Variants in SHCBP1L observed in about 807,000 individuals in gnomAD.
SHCBP1L encodes testicular spindle-associated protein SHCBP1L.
In SHCBP1L, 67 loss-of-function variants were observed where a neutral mutation model predicts 62.5. The observed-to-expected ratio is 1.07, with a 90% CI of 0.88 to 1.31. SHCBP1L has a LOEUF of 1.31. Ranked by LOEUF, SHCBP1L falls within the 40% of genes most tolerant of loss-of-function variation. The pLI, the probability that SHCBP1L is intolerant of heterozygous loss-of-function variation, is 0.00. For missense variants in SHCBP1L, 823 were observed against 809.8 expected, an observed-to-expected ratio of 1.02 and a Z score of -0.20; for synonymous variants, 284 against 289.4, an observed-to-expected ratio of 0.98 and a Z score of 0.19.
Position 182,945,124 on chromosome 1 carries a change from C to T in SHCBP1L, c.556-4581G>A, listed in dbSNP as rs554171033. Among the ~76,000 whole-genome samples, 6 of 151,916 alleles carry T rather than the reference C, an allele frequency of 3.9e-5. No individual in the cohort carries two copies. In the South Asian group the frequency reaches 6.2e-4, roughly 16 times the overall value. Reference sequence around the variant, plus strand: ...GACTACAGGCGTGCGCCACCACATCCGGCTATTTTTTGTATTTTTAGTAGA... The same window carrying T: ...GACTACAGGCGTGCGCCACCACATCTGGCTATTTTTTGTATTTTTAGTAGA... On this transcript the variant is annotated intron_variant, in intron 2 of 9. Coordinates refer to ENST00000367547, the MANE Select transcript of SHCBP1L (RefSeq NM_030933.4).
chr1:182,939,811 G>A (rs1278179815), intron 3 of SHCBP1L, among the ~76,000 whole-genome samples: 1 of 152,044 alleles, frequency 6.6e-6, no homozygotes, highest in Non-Finnish European at 1.5e-5. Context: ...GCTATTATTT[G>A]CTCAAAAAAT....
Position 182,939,345 on chromosome 1 carries a change from A to G in SHCBP1L, c.907T>C (p.Phe303Leu). ...GTIPGPIAQR[F>L]KKTLEKYKNK... ...TTATATTTCTCCAAAGTTTTTTTAA[A>G]ACGTTGTGCGATAGGACCAGGTATT... Residue 303 changes from phenylalanine to leucine, a missense_variant, in exon 5 of 10, where the codon TTT (phenylalanine) becomes CTT (leucine). Physicochemically the swap from Phe to Leu is conservative, Grantham distance 22 (BLOSUM62 0). Coordinates refer to ENST00000367547, the MANE Select transcript of SHCBP1L (RefSeq NM_030933.4). 3 of 1,613,986 alleles carry G rather than the reference A, an allele frequency of 1.9e-6. No homozygotes were observed. The highest frequency in any genetic ancestry group is 2.5e-6 in the Non-Finnish European group (3 of 1,179,958).
intron 5 of SHCBP1L, among the ~76,000 whole-genome samples, chr1:182,932,777 G>T (rs1651049996): frequency 6.6e-6 from 1 of 152,168 alleles, no homozygotes; most frequent in Admixed American, 6.5e-5. Flanking sequence ...TTACAGGCGT[G>T]AGCCATCCTG....
At chr1:182,912,557 C>G (rs1650222869) in intron 6 of SHCBP1L, among the ~76,000 whole-genome samples, 1 of 151,716 alleles carries the variant, frequency 6.6e-6, no homozygotes, top group Admixed American at 6.6e-5. Flanking sequence ...CAGTCTCACT[C>G]TGTCACCCAG....
chr1:182,924,966 G>GAAAGAAAC (rs1650685945), intron 6 of SHCBP1L, among the ~76,000 whole-genome samples: 1 of 114,304 alleles, frequency 8.7e-6, no homozygotes, highest in African/African-American at 3.7e-5. Flanking sequence ...AAGAAAGAAA[G>GAAAGAAAC]AAAGAAAGAA....
chr1:182,939,234 A>G lies in SHCBP1L; in HGVS notation c.1018T>C (p.Tyr340His), dbSNP rs932846889. The change falls in exon 5 of 10, where the codon TAC becomes CAC. Residue 340 changes from tyrosine (Y) to histidine (H), a missense_variant. By Grantham distance (83) the Tyr-to-His change is moderately conservative. Coordinates refer to ENST00000367547, the MANE Select transcript of SHCBP1L (RefSeq NM_030933.4). ...AAEAVECWKK[Y>H]YEIVMLCGLL... ...CCACAGAGCATGACTATCTCATAGT[A>G]TTTTTTCCAGCATTCAACAGCCTCT... The G allele has an allele frequency of 1.2e-5, 19 of 1,613,782 alleles. No individual in the cohort carries two copies. In the African/African-American group the frequency reaches 1.9e-4, roughly 16 times the overall value.
intron 2 of SHCBP1L, among the ~76,000 whole-genome samples, chr1:182,949,952 C>T (rs1651693709): frequency 6.6e-6 from 1 of 151,392 alleles, no homozygotes; most frequent in African/African-American, 2.4e-5. Flanking sequence ...CAGGTGTGTG[C>T]CTGTTTTTCT....
At chr1:182,930,182 C>T (rs1324379823) in intron 5 of SHCBP1L, among the ~76,000 whole-genome samples, 13 of 152,192 alleles carry the variant, frequency 8.5e-5, no homozygotes, top group South Asian at 2.1e-4. Flanking sequence ...ATTAATATAT[C>T]GTTTTGTTTC....
chr1:182,903,093 A>T lies in SHCBP1L; in HGVS notation c.1656T>A (p.Asn552Lys), dbSNP rs750882457. The change falls in exon 9 of 10, where the codon AAT (asparagine) becomes AAA (lysine). Residue 552 changes from asparagine to lysine, a missense_variant. Physicochemically the swap from Asn to Lys is moderately conservative, Grantham distance 94. Transcript: ENST00000367547. Reference protein sequence around the residue: ...ILERNEIHHCNNLRTSNSSKS... With the variant: ...ILERNEIHHCKNLRTSNSSKS... The stretch of plus-strand genomic sequence containing the variant: ...TTGAACTGTTACTGGTTCTGAGGTT[A>T]TTACAGTGATGAATTTCATTTCTTT... 1.2e-6 allele frequency: 2 copies of T among 1,601,326 alleles called. No homozygotes were observed. Among genetic ancestry groups the T allele is most frequent in the East Asian group, 4.5e-5 (2 of 44,320 alleles).
intron 6 of SHCBP1L, among the ~76,000 whole-genome samples, chr1:182,910,528 G>C (rs1650145398): frequency 6.6e-6 from 1 of 152,098 alleles, no homozygotes; most frequent in African/African-American, 2.4e-5. Flanking sequence ...TTGCCCCATA[G>C]ATGCCTAGCG....
chr1:182,903,170 T>A lies in SHCBP1L; in HGVS notation c.1588-9A>T, dbSNP rs1553243864. ...AGTTCAACACCAGCACCCTGTAAAT[T>A]AAAAGCAAATAAAACTATCTACAAA... On this transcript the variant is annotated splice_polypyrimidine_tract_variant and intron_variant, in intron 8 of 9. Coordinates refer to ENST00000367547, the MANE Select transcript of SHCBP1L (RefSeq NM_030933.4). 19 of 1,516,802 alleles carry A rather than the reference T, an allele frequency of 1.3e-5. 1 individual carries two copies. Among genetic ancestry groups the A allele is most frequent in the Middle Eastern group, 3.5e-4 (2 of 5,684 alleles). 94.0% of individuals were successfully genotyped at this position (1,516,802 alleles called of 1,614,324 possible). A position where few individuals can be genotyped will look rare whatever the true frequency, so the allele number is the denominator to read the frequency against.
At chr1:182,938,646 T>C (rs145530734) in intron 5 of SHCBP1L, among the ~76,000 whole-genome samples, 1 of 152,220 alleles carries the variant, frequency 6.6e-6, no homozygotes, top group African/African-American at 2.4e-5. Flanking sequence ...AAAATCTGTT[T>C]GTTTATTGTA....
In SHCBP1L at chr1:182,905,549, C is replaced by T. The variant is rs769949459; in HGVS notation, c.1283G>A (p.Gly428Glu). The stretch of plus-strand genomic sequence containing the variant: ...AGCAAGATTTGCAGCTTGATATTCT[C>T]CTGGAAAAATTATTACTGTATCTCC... ...YSGDTVIIFP[G>E]EYQAANLALL... The change falls in exon 7 of 10, where the codon GGA (glycine) becomes GAA (glutamate). Residue 428 changes from glycine (G) to glutamate (E), a missense_variant. By Grantham distance (98) the Gly-to-Glu change is moderately conservative. Transcript: ENST00000367547. The T allele has an allele frequency of 1.1e-5, 17 of 1,613,662 alleles. No individual in the cohort carries two copies. Among genetic ancestry groups the T allele is most frequent in the Non-Finnish European group, 1.4e-5 (16 of 1,179,844 alleles).
intron 2 of SHCBP1L, among the ~76,000 whole-genome samples, chr1:182,947,236 C>CAA (rs761348678): frequency 0.051 from 3,126 of 61,816 alleles, 150 homozygotes; most frequent in African/African-American, 0.13. Flanking sequence ...GACTCTGTCT[C>CAA]AAAAAAAAAA....
Position 182,951,476 on chromosome 1 carries a change from A to G in SHCBP1L, c.406-9T>C, listed in dbSNP as rs1046948277. 9 of 1,542,364 alleles carry G rather than the reference A, an allele frequency of 5.8e-6. No homozygotes were observed. Among genetic ancestry groups the G allele is most frequent in the African/African-American group, 4.1e-5 (3 of 72,298 alleles). On this transcript the variant is annotated splice_polypyrimidine_tract_variant and intron_variant, in intron 1 of 9. Coordinates refer to ENST00000367547, the MANE Select transcript of SHCBP1L (RefSeq NM_030933.4). ...TCATCAGCATCTTCTGCCTAACAAGAGAAAAAATGGATCTACATATAAATA... is the reference window on the plus strand; with the variant it reads ...TCATCAGCATCTTCTGCCTAACAAGGGAAAAAATGGATCTACATATAAATA...
At chr1:182,932,687 G>GT (rs891145207) in intron 5 of SHCBP1L, among the ~76,000 whole-genome samples, 1 of 151,974 alleles carries the variant, frequency 6.6e-6, no homozygotes, top group African/African-American at 2.4e-5. Context: ...TAGAGATGGG[G>GT]TTTTGCCATA....
intron 5 of SHCBP1L, among the ~76,000 whole-genome samples, chr1:182,932,318 C>A (rs772035154): frequency 2.6e-5 from 4 of 152,022 alleles, no homozygotes; most frequent in Non-Finnish European, 4.4e-5. Context: ...TATCAAGGAA[C>A]ATGATTGCTG....
Position 182,899,920 on chromosome 1 carries a change from G to T in SHCBP1L, c.*63C>A, listed in dbSNP as rs1649770929. On this transcript the variant is annotated 3_prime_UTR_variant, in exon 10 of 10. Transcript: ENST00000367547. Reference sequence around the variant, plus strand: ...GAATTGAAACTACCATTTCAGTGGGGTATGAGAATCATGTATTAAACAAAT... The same window carrying T: ...GAATTGAAACTACCATTTCAGTGGGTTATGAGAATCATGTATTAAACAAAT... 4 of 1,359,908 alleles carry T rather than the reference G, an allele frequency of 2.9e-6. 1 individual carries two copies. The East Asian group carries it at 7.3e-5, about 25-fold the overall frequency. 84.2% of individuals were successfully genotyped at this position (1,359,908 alleles called of 1,614,324 possible).
In SHCBP1L at chr1:182,929,734, A is replaced by T; in HGVS notation, c.1095T>A (p.Phe365Leu). ...CTTTCCTACGCCTCAGAATTCTTGG[A>T]AAGAAAGGTCCATGAACTCTATAGT... The part of the protein sequence containing the change: ...DLRLRVHGPF[F>L]PRILRRRKGK... Residue 365 changes from phenylalanine (F) to leucine (L), a missense_variant, in exon 6 of 10, where the codon TTT (phenylalanine) becomes TTA (leucine). Physicochemically the swap from Phe to Leu is conservative, Grantham distance 22 (BLOSUM62 0). Coordinates refer to ENST00000367547, the MANE Select transcript of SHCBP1L (RefSeq NM_030933.4). The T allele has an allele frequency of 6.3e-7, 1 of 1,590,194 alleles. No individual in the cohort carries two copies. Among genetic ancestry groups the T allele is most frequent in the South Asian group, 1.2e-5 (1 of 85,948 alleles).
Sources: gnomAD v4.1 joint callset for allele counts (sites outside exome capture counted in the v4.1 genomes callset) on GRCh38, gnomAD v4.1.1 for gene constraint, MANE v1.5 for transcripts, NCBI Gene and HGNC (gene_info 2026-07-23, HGNC 2026-07-21) for gene names.